The following KCNMB4 variants were observed in gnomAD, a reference collection of about 807,000 sequenced individuals.
The protein encoded by KCNMB4 is calcium-activated potassium channel subunit beta-4.
In KCNMB4, 3 loss-of-function variants were observed where a neutral mutation model predicts 20.7. The observed-to-expected ratio is 0.14, with a 90% CI of 0.07 to 0.37. The LOEUF (loss-of-function observed/expected upper bound fraction) is 0.37. Among genes scored for constraint, KCNMB4 ranks in the 10% least tolerant of loss-of-function variants. The pLI, the probability that KCNMB4 is intolerant of heterozygous loss-of-function variation, is 1.00. For synonymous variants in KCNMB4, 110 were observed against 113.4 expected, an observed-to-expected ratio of 0.97 and a Z score of 0.19; for missense variants, 168 against 265.9, an observed-to-expected ratio of 0.63 and a Z score of 2.56.
At chr12:70,412,640 T>G (rs918387929) in intron 2 of KCNMB4, among the ~76,000 whole-genome samples, 1 of 152,232 alleles carries the variant, frequency 6.6e-6, no homozygotes, top group African/African-American at 2.4e-5. Flanking sequence ...TCTAAGTTTT[T>G]CTTTTGGCTT....
chr12:70,367,213 G>A (rs537420950), intron 1 of KCNMB4, 143 bp downstream of exon 1: 1 of 600,118 alleles, frequency 1.7e-6, no homozygotes, highest in Admixed American at 3.5e-5. Context: ...CTCAAACCAG[G>A]AATGACTACA....
chr12:70,381,411 G>A (rs1324061522), intron 1 of KCNMB4, among the ~76,000 whole-genome samples: 1 of 152,118 alleles, frequency 6.6e-6, no homozygotes, highest in Non-Finnish European at 1.5e-5. Flanking sequence ...ACATGTCCAT[G>A]CAGAAACTTT....
intron 2 of KCNMB4, among the ~76,000 whole-genome samples, chr12:70,414,916 A>G (rs1418174273): frequency 6.6e-6 from 1 of 152,136 alleles, no homozygotes; most frequent in Non-Finnish European, 1.5e-5. Context: ...CATATTTGTT[A>G]TATCTTCCAT....
intron 2 of KCNMB4, among the ~76,000 whole-genome samples, chr12:70,405,460 A>C (rs920577665): frequency 6.6e-6 from 1 of 152,212 alleles, no homozygotes; most frequent in Non-Finnish European, 1.5e-5. Flanking sequence ...GCCTCTCAGA[A>C]TGACTATTAA....
intron 1 of KCNMB4, among the ~76,000 whole-genome samples, chr12:70,382,409 G>C (rs1488321118): frequency 4.3e-5 from 6 of 140,390 alleles, no homozygotes; most frequent in Non-Finnish European, 1.5e-5. Context: ...CTCCCGCCTG[G>C]GCGACAGAAC....
intron 1 of KCNMB4, among the ~76,000 whole-genome samples, chr12:70,395,783 A>G (rs965974083): frequency 1.3e-5 from 2 of 152,220 alleles, no homozygotes; most frequent in African/African-American, 4.8e-5. Flanking sequence ...GCAGCAAACA[A>G]TATGGGCTCT....
In KCNMB4 at chr12:70,430,629, C is replaced by T. The variant is rs867378956; in HGVS notation, c.609C>T (p.Ala203=). 4.3e-6 allele frequency: 7 copies of T among 1,610,224 alleles called. No individual in the cohort carries two copies. Among genetic ancestry groups the T allele is most frequent in the Non-Finnish European group, 5.1e-6 (6 of 1,179,032 alleles). The change falls in exon 3 of 3, where the codon GCC becomes GCT. Residue 203 remains alanine, a synonymous_variant. Transcript: ENST00000258111. ...CAKSLAVKAE[A]MKKRKFS is the part of the protein sequence containing the mutation. ...AGAGCTTGGCGGTCAAGGCGGAAGC[C>T]ATGAAGAAGCGCAAGTTCTCTTAAA...
At chr12:70,429,519 TA>T (rs1329062773) in intron 2 of KCNMB4, among the ~76,000 whole-genome samples, 1 of 151,802 alleles carries the variant, frequency 6.6e-6, no homozygotes, top group Non-Finnish European at 1.5e-5. Flanking sequence ...ACAAAAAAAT[TA>T]GCTGGACGTG....
At chr12:70,405,825 G>A (rs532191115) in intron 2 of KCNMB4, among the ~76,000 whole-genome samples, 46 of 152,278 alleles carry the variant, frequency 3.0e-4, no homozygotes, top group South Asian at 2.1e-3. Flanking sequence ...AGCTAGGGGA[G>A]GCTGAGGCGG....
chr12:70,414,085 A>T (rs192494401), intron 2 of KCNMB4, among the ~76,000 whole-genome samples: 3 of 152,228 alleles, frequency 2.0e-5, no homozygotes, highest in Admixed American at 2.0e-4. Context: ...TACAAAAATT[A>T]GCCAGGCGTG....
chr12:70,410,742 G>A lies in KCNMB4; in HGVS notation c.464+10406G>A, dbSNP rs1428668832. 2.0e-5 allele frequency among the ~76,000 whole-genome samples: 3 copies of A among 152,112 alleles called. No homozygotes were observed. In the East Asian group the frequency reaches 5.8e-4, roughly 29 times the overall value. ...GTTGGGCCTGGTTATTTACTGATTG[G>A]AGGCTGAGGTGTTGAATAAATAAAT... On this transcript the variant is annotated intron_variant, in intron 2 of 2. Coordinates refer to ENST00000258111, the MANE Select transcript of KCNMB4 (RefSeq NM_014505.6).
At chr12:70,419,159 A>G (rs979885351) in intron 2 of KCNMB4, among the ~76,000 whole-genome samples, 2 of 152,178 alleles carry the variant, frequency 1.3e-5, no homozygotes, top group African/African-American at 4.8e-5. Flanking sequence ...AATTCCTTTA[A>G]GGAATTCTAA....
At chr12:70,397,729 A>C (rs1868367574) in intron 1 of KCNMB4, among the ~76,000 whole-genome samples, 1 of 152,204 alleles carries the variant, frequency 6.6e-6, no homozygotes, top group South Asian at 2.1e-4. Context: ...CTCCCCAAAA[A>C]ACTAAATAGC....
chr12:70,382,707 A>G (rs529085693), intron 1 of KCNMB4, among the ~76,000 whole-genome samples: 2 of 152,324 alleles, frequency 1.3e-5, no homozygotes, highest in South Asian at 2.1e-4. Context: ...AAATGATTAA[A>G]AAGTCAACAT....
chr12:70,428,283 T>C (rs985165838), intron 2 of KCNMB4, among the ~76,000 whole-genome samples: 3 of 152,208 alleles, frequency 2.0e-5, no homozygotes, highest in African/African-American at 7.2e-5. Context: ...CATGAGCCAC[T>C]ACGCCCAGCC....
chr12:70,416,741 TTGAA>T (rs1357519482), intron 2 of KCNMB4, among the ~76,000 whole-genome samples: 3 of 152,184 alleles, frequency 2.0e-5, no homozygotes, highest in African/African-American at 7.2e-5. Flanking sequence ...AATGTAAAAA[TTGAA>T]TGTATAGTAA....
chr12:70,392,674 C>T (rs1198147077), intron 1 of KCNMB4, among the ~76,000 whole-genome samples: 1 of 152,136 alleles, frequency 6.6e-6, no homozygotes, highest in African/African-American at 2.4e-5. Flanking sequence ...GAGTTCATGT[C>T]CTTTGCAGGG....
intron 1 of KCNMB4, among the ~76,000 whole-genome samples, chr12:70,372,991 G>A (rs543994700): frequency 1.3e-5 from 2 of 152,306 alleles, no homozygotes; most frequent in East Asian, 1.9e-4. Flanking sequence ...GCTATGAGCT[G>A]TGTGAGTGTG....
intron 1 of KCNMB4, among the ~76,000 whole-genome samples, chr12:70,383,015 G>A (rs556391020): frequency 1.3e-5 from 2 of 152,294 alleles, no homozygotes; most frequent in East Asian, 1.9e-4. Flanking sequence ...ATAGGCAGTT[G>A]TAGCAGAATG....
Sources: allele counts gnomAD v4.1 joint callset (sites outside exome capture counted in the v4.1 genomes callset), GRCh38; gene constraint gnomAD v4.1.1; transcripts MANE v1.5; gene names NCBI Gene and HGNC (gene_info 2026-07-23, HGNC 2026-07-21).